The following TRIP12 variants were observed in gnomAD, a reference collection of about 807,000 sequenced individuals.
TRIP12 encodes the protein E3 ubiquitin-protein ligase TRIP12.
In TRIP12, 25 loss-of-function variants were observed where a neutral mutation model predicts 244.2. The ratio of observed to expected loss-of-function variants is 0.10; its 90% CI spans 0.07 to 0.14. TRIP12 has a LOEUF of 0.14. Among genes scored for constraint, TRIP12 ranks in the 10% least tolerant of loss-of-function variants. TRIP12 has a pLI of 1.00. For missense variants in TRIP12, 1,677 were observed against 2,486.4 expected, an observed-to-expected ratio of 0.67 and a Z score of 6.92; for synonymous variants, 905 against 873.1, an observed-to-expected ratio of 1.04 and a Z score of -0.64.
chr2:229,843,447 C>T (rs1443365365), intron 4 of TRIP12, among the ~76,000 whole-genome samples: 1 of 152,204 alleles, frequency 6.6e-6, no homozygotes, highest in African/African-American at 2.4e-5. Context: ...CAAAAACAGG[C>T]TGAGCATGGT....
At chr2:229,866,952 TTGCCCTGAACATGGAGA>T (rs2061599990) in intron 2 of TRIP12, among the ~76,000 whole-genome samples, 1 of 152,044 alleles carries the variant, frequency 6.6e-6, no homozygotes, top group South Asian at 2.1e-4. Context: ...ATGATATAAA[TTGCCCTGAACATGGAGA>T]TACATCAGAA....
Position 229,876,571 on chromosome 2 carries a change from C to A in TRIP12, c.98+3411G>T, listed in dbSNP as rs568945505. 1.3e-4 allele frequency among the ~76,000 whole-genome samples: 20 copies of A among 152,304 alleles called. 1 individual carries two copies. Among genetic ancestry groups the A allele is most frequent in the African/African-American group, 4.6e-4 (19 of 41,546 alleles). On this transcript the variant is annotated intron_variant, in intron 2 of 41. Transcript: ENST00000675903. The stretch of plus-strand genomic sequence containing the variant: ...GTCATTCTACAAATCTAATCGAGTT[C>A]CATCTCTGTTACAACTTTGAGCTAC...
rs979224036 is a variant in TRIP12 at position 229,805,600 on chromosome 2, G to A, written c.2650+130C>T. On this transcript the variant is annotated intron_variant, in intron 18 of 41. Coordinates refer to ENST00000675903, the MANE Select transcript of TRIP12 (RefSeq NM_001348323.3). Reference sequence around the variant, plus strand: ...ATTAATGGACATGATTTAAAAAATCGAAAACCAAATTATTGTTATGCAATT... The same window carrying A: ...ATTAATGGACATGATTTAAAAAATCAAAAACCAAATTATTGTTATGCAATT... The A allele has an allele frequency of 2.8e-5, 28 of 996,592 alleles. No homozygotes were observed. In the East Asian group the frequency reaches 3.1e-4, roughly 11 times the overall value. 61.7% of individuals were successfully genotyped at this position (996,592 alleles called of 1,614,324 possible).
At chr2:229,912,341 A>G (rs2074442391) in intron 1 of TRIP12, among the ~76,000 whole-genome samples, 1 of 152,216 alleles carries the variant, frequency 6.6e-6, no homozygotes, top group Admixed American at 6.5e-5. Context: ...TCATTCATAA[A>G]TATTTTTGTA....
At position 229,844,483 on chromosome 2, in the gene TRIP12, T is replaced by G. The variant is rs140008811; in HGVS notation, c.1028-3556A>C. On this transcript the variant is annotated intron_variant, in intron 4 of 41. Coordinates refer to ENST00000675903, the MANE Select transcript of TRIP12 (RefSeq NM_001348323.3). ...CTATCTTCCATTCTTACATGATCTA[T>G]GTTAAAGGCATGTTAATCTTTCATA... Among the ~76,000 whole-genome samples, 520 of 152,350 alleles carry G rather than the reference T, an allele frequency of 3.4e-3. 5 individuals carry two copies. Among genetic ancestry groups the G allele is most frequent in the African/African-American group, 0.012 (485 of 41,588 alleles).
chr2:229,782,799 T>C (rs933161105), intron 34 of TRIP12, among the ~76,000 whole-genome samples: 6 of 152,308 alleles, frequency 3.9e-5, no homozygotes, highest in South Asian at 4.1e-4. Context: ...GTTCATGTAC[T>C]CAGTTCATGA....
At position 229,872,104 on chromosome 2, in the gene TRIP12, TAAAAAAAAA is replaced by T. The variant is rs34496202; in HGVS notation, c.98+7869_98+7877del. 8.2e-3 allele frequency among the ~76,000 whole-genome samples: 861 copies of T among 105,254 alleles called. 5 individuals carry two copies. Among genetic ancestry groups the T allele is most frequent in the Middle Eastern group, 0.067 (10 of 150 alleles). The allele number at this position is 105,254 out of a possible 152,430, so 69.1% of individuals were successfully genotyped here. On this transcript the variant is annotated intron_variant, in intron 2 of 41. Coordinates refer to ENST00000675903, the MANE Select transcript of TRIP12 (RefSeq NM_001348323.3). ...AATATAGTTTTAATGACAGATATTG[TAAAAAAAAA>T]AAAAAAAAAAAAAAAAAAAGAAGCC...
At position 229,850,952 on chromosome 2, in the gene TRIP12, C is replaced by T. The variant is rs538584478; in HGVS notation, c.1027+7820G>A. Among the ~76,000 whole-genome samples, 5 of 152,314 alleles carry T rather than the reference C, an allele frequency of 3.3e-5. No individual in the cohort carries two copies. In the East Asian group the frequency reaches 5.8e-4, roughly 18 times the overall value. ...TCTCGCCGGGCCTTAGCTGCCTTCC[C>T]GCAGCGCAGGCCTCGGGAGAGCAGC... On this transcript the variant is annotated intron_variant, in intron 4 of 41. Coordinates refer to ENST00000675903, the MANE Select transcript of TRIP12 (RefSeq NM_001348323.3).
chr2:229,797,354 A>G (rs1202175740), intron 24 of TRIP12, among the ~76,000 whole-genome samples: 2 of 152,192 alleles, frequency 1.3e-5, no homozygotes, highest in African/African-American at 2.4e-5. Flanking sequence ...GAGAGGGGCT[A>G]AGGAAGGCCT....
chr2:229,858,513 C>T (rs765947378), intron 4 of TRIP12, among the ~76,000 whole-genome samples: 2 of 152,076 alleles, frequency 1.3e-5, no homozygotes, highest in African/African-American at 2.4e-5. Flanking sequence ...GGAGATGCCG[C>T]GAGGACCAAT....
chr2:229,828,599 C>T (rs2052402049), intron 8 of TRIP12, among the ~76,000 whole-genome samples: 1 of 151,886 alleles, frequency 6.6e-6, no homozygotes, highest in Non-Finnish European at 1.5e-5. Flanking sequence ...AGTGAAACCC[C>T]ATCTCTACTA....
intron 13 of TRIP12, 128 bp from the exon 14 acceptor site, chr2:229,811,332 G>A (rs1322428238): frequency 1.1e-5 from 11 of 962,508 alleles, no homozygotes; most frequent in Non-Finnish European, 1.7e-5. Flanking sequence ...TGACAGCTTT[G>A]AAAATGCAAA....
In TRIP12 at chr2:229,765,205, C is replaced by CA. The variant is rs1323262033; in HGVS notation, c.*2348dup. The CA allele has an allele frequency of 6.6e-6, 1 of 152,010 alleles. No individual in the cohort carries two copies. Among genetic ancestry groups the CA allele is most frequent in the Non-Finnish European group, 1.5e-5 (1 of 68,004 alleles). 9.4% of individuals were successfully genotyped at this position (152,010 alleles called of 1,614,324 possible). ...TAACATCTGACTGACTCCATCTCAG[C>CA]AAAAAATAAAGGACAACAAAATCTC... On this transcript the variant is annotated 3_prime_UTR_variant, in exon 42 of 42. Coordinates refer to ENST00000675903, the MANE Select transcript of TRIP12 (RefSeq NM_001348323.3).
chr2:229,844,866 T>A (rs1350660813), intron 4 of TRIP12, among the ~76,000 whole-genome samples: 1 of 152,208 alleles, frequency 6.6e-6, no homozygotes, highest in Non-Finnish European at 1.5e-5. Flanking sequence ...TTTTTCTGAG[T>A]GCACTGCTTA....
chr2:229,776,218 CAT>C (rs999246469), intron 37 of TRIP12, among the ~76,000 whole-genome samples: 49 of 152,250 alleles, frequency 3.2e-4, no homozygotes, highest in African/African-American at 1.1e-3. Flanking sequence ...AATAAATTAA[CAT>C]ATATATGCTA....
At chr2:229,790,966 A>C (rs2041376775) in intron 30 of TRIP12, among the ~76,000 whole-genome samples, 158 bp downstream of exon 30, 1 of 152,232 alleles carries the variant, frequency 6.6e-6, no homozygotes, top group Non-Finnish European at 1.5e-5. Flanking sequence ...TAGATATTAA[A>C]GTTGAGGATT....
At chr2:229,873,981 G>T (rs1436732086) in intron 2 of TRIP12, among the ~76,000 whole-genome samples, 1 of 151,516 alleles carries the variant, frequency 6.6e-6, no homozygotes, top group East Asian at 1.9e-4. Context: ...AGAAGGCAAA[G>T]GAAGAAAAAC....
chr2:229,884,116 A>C (rs1227064120), intron 1 of TRIP12, among the ~76,000 whole-genome samples: 2 of 151,914 alleles, frequency 1.3e-5, no homozygotes, highest in Non-Finnish European at 2.9e-5. Context: ...CAAAAAAAAA[A>C]CCCAAAAACC....
At chr2:229,850,749 C>A (rs912384628) in intron 4 of TRIP12, among the ~76,000 whole-genome samples, 1 of 152,222 alleles carries the variant, frequency 6.6e-6, no homozygotes, top group Non-Finnish European at 1.5e-5. Flanking sequence ...GGGGCTGCAC[C>A]CGGCGCTTGC....
Sources: gnomAD v4.1 joint callset for allele counts (sites outside exome capture counted in the v4.1 genomes callset) on GRCh38, gnomAD v4.1.1 for gene constraint, MANE v1.5 for transcripts, NCBI Gene and HGNC (gene_info 2026-07-23, HGNC 2026-07-21) for gene names.